The following PDE11A variants were observed in gnomAD, a reference collection of about 807,000 sequenced individuals.
PDE11A encodes phosphodiesterase 11A, also known as dual 3',5'-cyclic-AMP and -GMP phosphodiesterase 11A.
Under a neutral mutation model 100.5 loss-of-function variants are expected in PDE11A, and 100 were observed. The observed-to-expected ratio is 1.00, with a 90% CI of 0.85 to 1.18. The LOEUF is 1.18. Among genes scored for constraint, PDE11A ranks in the 50% most tolerant of loss-of-function variants. The pLI is 0.00. For missense variants in PDE11A, 1,141 were observed against 1,152.6 expected, an observed-to-expected ratio of 0.99 and a Z score of 0.15; for synonymous variants, 381 against 420.8, an observed-to-expected ratio of 0.91 and a Z score of 1.16.
Position 178,014,343 on chromosome 2 carries a change from T to C in PDE11A, c.1030A>G (p.Lys344Glu). ...EIIGVAQAIN[K>E]IPEGAPFTED... ...GTAAATGGAGCTCCTTCAGGAATCT[T>C]ATTTATCGCTTGGGCCACACCAATA... is the stretch of plus-strand genomic sequence containing the variant. Residue 344 changes from lysine to glutamate, a missense_variant, in exon 2 of 20, where the codon AAG becomes GAG. Physicochemically the swap from Lys to Glu is moderately conservative, Grantham distance 56. Transcript: ENST00000286063. 6.2e-7 allele frequency: 1 copy of C among 1,613,218 alleles called. No homozygotes were observed. Among genetic ancestry groups the C allele is most frequent in the South Asian group, 1.1e-5 (1 of 91,058 alleles).
chr2:177,945,937 C>T (rs1448311267), intron 2 of PDE11A, among the ~76,000 whole-genome samples: 5 of 147,424 alleles, frequency 3.4e-5, no homozygotes, highest in Admixed American at 6.6e-5. Flanking sequence ...TGCCTCTGCC[C>T]GCCCGCCCCT....
chr2:177,704,908 TTGGCTTACTGC>T (rs2081256945), intron 13 of PDE11A, among the ~76,000 whole-genome samples: 2 of 152,164 alleles, frequency 1.3e-5, no homozygotes, highest in Non-Finnish European at 2.9e-5. Flanking sequence ...TGGCGCGATG[TTGGCTTACTGC>T]AACCTCCACC....
At position 177,817,906 on chromosome 2, in the gene PDE11A, G is replaced by C. The variant is rs1264310086; in HGVS notation, c.1596C>G (p.Asn532Lys). Residue 532 changes from asparagine (N) to lysine (K), a missense_variant, in exon 8 of 20, where the codon AAC becomes AAG. Physicochemically the swap from Asn to Lys is moderately conservative, Grantham distance 94. Transcript: ENST00000286063. ...HQIIGVAQVL[N>K]RLDGKPFDDA... ...CATCAAAAGGTTTCCCATCAAGTCT[G>C]TTTAACACTTGAGCCACTCCTATGG... The C allele has an allele frequency of 1.3e-6, 2 of 1,525,446 alleles. No individual in the cohort carries two copies. The highest frequency in any genetic ancestry group is 1.1e-5 in the South Asian group (1 of 89,266). 94.5% of individuals were successfully genotyped at this position (1,525,446 alleles called of 1,614,324 possible). A position where few individuals can be genotyped will look rare whatever the true frequency, so the allele number is the denominator to read the frequency against.
At chr2:177,943,102 A>G (rs1485751745) in intron 2 of PDE11A, among the ~76,000 whole-genome samples, 1 of 152,174 alleles carries the variant, frequency 6.6e-6, no homozygotes, top group African/African-American at 2.4e-5. Flanking sequence ...ATACCACAAT[A>G]TTGTTTTTCC....
intron 2 of PDE11A, chr2:177,998,387 A>G (rs7574975): frequency 0.12 from 103,313 of 847,098 alleles, 7,568 homozygotes; most frequent in Non-Finnish European, 0.15. Context: ...TCCCTTTTCC[A>G]TCCATGTTAA....
At chr2:177,808,187 A>G (rs911948359) in intron 9 of PDE11A, among the ~76,000 whole-genome samples, 1 of 152,190 alleles carries the variant, frequency 6.6e-6, no homozygotes, top group Non-Finnish European at 1.5e-5. Flanking sequence ...ATATTTACCT[A>G]ATCTAACATG....
chr2:177,751,948 G>T (rs2082031551), intron 10 of PDE11A, among the ~76,000 whole-genome samples: 1 of 152,132 alleles, frequency 6.6e-6, no homozygotes, highest in African/African-American at 2.4e-5. Flanking sequence ...AGCCCAAAGG[G>T]GTTAAGGTGT....
intron 9 of PDE11A, among the ~76,000 whole-genome samples, chr2:177,793,929 C>T (rs1208091779): frequency 6.6e-6 from 1 of 152,128 alleles, no homozygotes; most frequent in African/African-American, 2.4e-5. Flanking sequence ...AACACAATGC[C>T]TTTAAACATT....
At chr2:177,981,777 C>T (rs1039566056) in intron 2 of PDE11A, among the ~76,000 whole-genome samples, 9 of 150,994 alleles carry the variant, frequency 6.0e-5, no homozygotes, top group African/African-American at 2.2e-4. Flanking sequence ...TACATTAGTA[C>T]ATGAAGTACT....
chr2:177,825,496 A>AT (rs2083214129), intron 6 of PDE11A, among the ~76,000 whole-genome samples: 1 of 152,088 alleles, frequency 6.6e-6, no homozygotes, highest in South Asian at 2.1e-4. Context: ...GGCAGCAGCT[A>AT]TTTTTTCTGG....
intron 3 of PDE11A, among the ~76,000 whole-genome samples, chr2:177,899,251 CA>C (rs1165754988): frequency 1.3e-5 from 2 of 151,684 alleles, no homozygotes; most frequent in Non-Finnish European, 1.5e-5. Flanking sequence ...ACTAAAAATA[CA>C]AAAAAAATTT....
intron 2 of PDE11A, among the ~76,000 whole-genome samples, chr2:177,916,776 A>T (rs535621276): frequency 5.3e-5 from 8 of 151,182 alleles, no homozygotes; most frequent in African/African-American, 1.7e-4. Flanking sequence ...TTGTTTATTT[A>T]TGAGATGGAG....
chr2:177,917,354 T>C (rs1326688955), intron 2 of PDE11A, among the ~76,000 whole-genome samples: 2 of 152,178 alleles, frequency 1.3e-5, no homozygotes, highest in East Asian at 1.9e-4. Context: ...TCACCATCTC[T>C]GGTAATAGTT....
chr2:178,029,680 A>T (rs2086520711), intron 1 of PDE11A, among the ~76,000 whole-genome samples: 1 of 152,202 alleles, frequency 6.6e-6, no homozygotes, highest in Non-Finnish European at 1.5e-5. Context: ...ATGGCAGGAA[A>T]TATATATTGA....
intron 13 of PDE11A, among the ~76,000 whole-genome samples, 179 bp downstream of exon 13, chr2:177,711,590 C>A (rs2081359696): frequency 6.6e-6 from 1 of 152,150 alleles, no homozygotes; most frequent in Non-Finnish European, 1.5e-5. Flanking sequence ...GGCAAATCTG[C>A]AATTAAAAGA....
At position 177,627,712 on chromosome 2, in the gene PDE11A, G is replaced by A. The variant is rs2079857510; in HGVS notation, c.*1695C>T. ...AGTACAAAAATTAGCCAGGCGTGGTGGCAGGCACCTGTAATCCCAGCTTCT... is the reference window on the plus strand; with the variant it reads ...AGTACAAAAATTAGCCAGGCGTGGTAGCAGGCACCTGTAATCCCAGCTTCT... On this transcript the variant is annotated 3_prime_UTR_variant, in exon 20 of 20. Coordinates refer to ENST00000286063, the MANE Select transcript of PDE11A (RefSeq NM_016953.4). 1 of 152,164 alleles carries A rather than the reference G, an allele frequency of 6.6e-6. No homozygotes were observed. Among genetic ancestry groups the A allele is most frequent in the African/African-American group, 2.4e-5 (1 of 41,442 alleles). The allele number at this position is 152,164 out of a possible 1,614,324, so 9.4% of individuals were successfully genotyped here.
chr2:177,864,738 T>C (rs1156799044), intron 5 of PDE11A, among the ~76,000 whole-genome samples: 1 of 152,166 alleles, frequency 6.6e-6, no homozygotes, highest in Non-Finnish European at 1.5e-5. Flanking sequence ...AAAATGATCT[T>C]AAGTAACATG....
chr2:177,699,440 A>ATT lies in PDE11A; in HGVS notation c.2244+1679_2244+1680dup, dbSNP rs568912207. Reference sequence around the variant, plus strand: ...TGAAGGATATATAATCACTAATGCTATTTACAGCTAAGAGTGACAGTGCTA... The same window carrying ATT: ...TGAAGGATATATAATCACTAATGCTATTTTTACAGCTAAGAGTGACAGTGCTA... On this transcript the variant is annotated intron_variant, in intron 14 of 19. Coordinates refer to ENST00000286063, the MANE Select transcript of PDE11A (RefSeq NM_016953.4). 2.6e-5 allele frequency among the ~76,000 whole-genome samples: 4 copies of ATT among 152,330 alleles called. No homozygotes were observed. The East Asian group carries it at 7.7e-4, about 29-fold the overall frequency.
rs1349512680 is a variant in PDE11A at position 177,722,378 on chromosome 2, T to C, written c.2043+5280A>G. Among the ~76,000 whole-genome samples the C allele has an allele frequency of 2.6e-5, 4 of 152,252 alleles. No individual in the cohort carries two copies. In the East Asian group the frequency reaches 7.7e-4, roughly 29 times the overall value. On this transcript the variant is annotated intron_variant, in intron 12 of 19. Transcript: ENST00000286063. ...AACTCATGAATGGCAGCGCTTAAAG[T>C]GAGTTATGGAGGTTACTCTCCTGTG...
Sources: gnomAD v4.1 joint callset for allele counts (sites outside exome capture counted in the v4.1 genomes callset) on GRCh38, gnomAD v4.1.1 for gene constraint, MANE v1.5 for transcripts, NCBI Gene and HGNC (gene_info 2026-07-23, HGNC 2026-07-21) for gene names.